Variants in NTM observed in about 807,000 individuals in gnomAD.
NTM encodes IgLON family member 2.
In NTM, 13 loss-of-function variants were observed where a neutral mutation model predicts 42.1. The ratio of observed to expected loss-of-function variants is 0.31; its 90% CI spans 0.20 to 0.49. NTM has a LOEUF of 0.49. NTM is among the 20% of genes least tolerant of loss of function. The pLI, the probability that NTM is intolerant of heterozygous loss-of-function variation, is 0.99. For missense variants in NTM, 373 were observed against 452.8 expected (o/e 0.82, Z 1.60); for synonymous variants, 187 against 179.2 (o/e 1.04, Z -0.35).
At chr11:131,488,525 T>C (rs1227902232) in intron 1 of NTM, among the ~76,000 whole-genome samples, 1 of 152,184 alleles carries the variant, frequency 6.6e-6, no homozygotes, top group East Asian at 1.9e-4. Context: ...ATTTTATTGG[T>C]CAGAGAAACT....
intron 1 of NTM, among the ~76,000 whole-genome samples, chr11:131,543,064 T>A (rs188245892): frequency 5.9e-4 from 90 of 152,324 alleles, no homozygotes; most frequent in African/African-American, 1.9e-3. Context: ...GAGCTGAGGA[T>A]GAACACGTGA....
At chr11:132,024,152 G>A (rs1168572529) in intron 2 of NTM, among the ~76,000 whole-genome samples, 1 of 151,836 alleles carries the variant, frequency 6.6e-6, no homozygotes, top group Non-Finnish European at 1.5e-5. Context: ...CCCACAGAGA[G>A]GGAAGGAGGA....
At chr11:131,911,197 C>T (rs1456720798) in intron 1 of NTM, 7 of 1,371,144 alleles carry the variant, frequency 5.1e-6, no homozygotes, top group Non-Finnish European at 6.6e-6. Context: ...GCGCGCTTCC[C>T]CCTCCTCGGC....
intron 1 of NTM, among the ~76,000 whole-genome samples, chr11:131,649,528 A>G (rs2066198490): frequency 1.3e-5 from 2 of 152,212 alleles, no homozygotes; most frequent in African/African-American, 4.8e-5. Context: ...ATGTACTGAA[A>G]TAAGCCATAA....
At chr11:132,122,331 C>T (rs893874415) in intron 2 of NTM, among the ~76,000 whole-genome samples, 1 of 152,122 alleles carries the variant, frequency 6.6e-6, no homozygotes, top group Non-Finnish European at 1.5e-5. Context: ...GTGGATTTTC[C>T]CCACTATGGT....
intron 1 of NTM, among the ~76,000 whole-genome samples, chr11:131,852,732 G>C (rs12223764): frequency 0.79 from 120,739 of 152,098 alleles, 48,353 homozygotes; most frequent in African/African-American, 0.88. Context: ...CCCACCCACC[G>C]ATGGATTTAT....
intron 1 of NTM, among the ~76,000 whole-genome samples, chr11:131,686,251 G>C (rs559607661): frequency 2.6e-5 from 4 of 152,322 alleles, no homozygotes; most frequent in Admixed American, 2.0e-4. Context: ...GAAAATTCAT[G>C]TATAACTTTT....
chr11:131,565,166 G>A (rs768740154), intron 1 of NTM, among the ~76,000 whole-genome samples: 12 of 152,154 alleles, frequency 7.9e-5, no homozygotes, highest in Non-Finnish European at 1.5e-4. Context: ...GTGAACACAG[G>A]GAGCAGCCCC....
intron 2 of NTM, among the ~76,000 whole-genome samples, chr11:131,955,242 G>C (rs754078139): frequency 2.0e-5 from 3 of 152,086 alleles, no homozygotes; most frequent in Non-Finnish European, 2.9e-5. Flanking sequence ...TTTTGTTTAG[G>C]TTTGCTGCTT....
At chr11:131,801,449 G>T (rs1209003749) in intron 1 of NTM, among the ~76,000 whole-genome samples, 1 of 152,146 alleles carries the variant, frequency 6.6e-6, no homozygotes, top group Non-Finnish European at 1.5e-5. Flanking sequence ...TCCTGAGGAA[G>T]CCTCAGTATC....
At chr11:132,194,763 G>A (rs2079897805) in intron 3 of NTM, among the ~76,000 whole-genome samples, 1 of 149,512 alleles carries the variant, frequency 6.7e-6, no homozygotes, top group South Asian at 2.1e-4. Flanking sequence ...AACGACCACA[G>A]TAGAGTTTCA....
At chr11:132,080,049 A>C (rs1233515158) in intron 2 of NTM, among the ~76,000 whole-genome samples, 1 of 152,240 alleles carries the variant, frequency 6.6e-6, no homozygotes, top group African/African-American at 2.4e-5. Flanking sequence ...TTTTGATGTT[A>C]AGTGTGGGTA....
chr11:132,335,313 G>C lies in NTM; in HGVS notation c.*167G>C. 2 of 731,648 alleles carry C rather than the reference G, an allele frequency of 2.7e-6. No individual in the cohort carries two copies. Among genetic ancestry groups the C allele is most frequent in the Middle Eastern group, 2.5e-4 (1 of 4,024 alleles). The allele number at this position is 731,648 out of a possible 1,614,324, so 45.3% of individuals were successfully genotyped here. ...GGGAGGGGAACAAAGAATACTTTGG[G>C]GGGAAAAAAGTTTTAAAAAAGAAAT... On this transcript the variant is annotated 3_prime_UTR_variant, in exon 9 of 9. Transcript: ENST00000683400.
intron 4 of NTM, among the ~76,000 whole-genome samples, chr11:132,251,777 G>A (rs548034709): frequency 5.5e-4 from 84 of 152,288 alleles, no homozygotes; most frequent in African/African-American, 1.7e-3. Flanking sequence ...TGAATGTGCC[G>A]TTTGGAATTT....
At chr11:131,704,323 G>A (rs1379850936) in intron 1 of NTM, among the ~76,000 whole-genome samples, 1 of 152,146 alleles carries the variant, frequency 6.6e-6, no homozygotes, top group East Asian at 1.9e-4. Context: ...TGCCCTCACA[G>A]ATCCAGGCAC....
intron 2 of NTM, among the ~76,000 whole-genome samples, chr11:132,066,377 C>T (rs937579391): frequency 1.3e-5 from 2 of 152,118 alleles, no homozygotes; most frequent in Admixed American, 1.3e-4. Context: ...TCATCTGGAC[C>T]CTTCTATAGG....
intron 1 of NTM, among the ~76,000 whole-genome samples, chr11:131,581,199 T>C (rs2058378340): frequency 6.6e-6 from 1 of 152,270 alleles, no homozygotes; most frequent in Admixed American, 6.5e-5. Flanking sequence ...CGGAGCCCAC[T>C]GCTCTTGCGG....
intron 4 of NTM, among the ~76,000 whole-genome samples, chr11:132,229,176 A>G (rs998455201): frequency 6.6e-6 from 1 of 152,156 alleles, no homozygotes; most frequent in Non-Finnish European, 1.5e-5. Flanking sequence ...GCTATGTTCC[A>G]GGCACTCTTC....
intron 1 of NTM, among the ~76,000 whole-genome samples, chr11:131,396,904 G>C (rs900391815): frequency 6.6e-6 from 1 of 152,002 alleles, no homozygotes; most frequent in Non-Finnish European, 1.5e-5. Flanking sequence ...ACTCTGGGAA[G>C]CTCACGTCAC....
Sources: allele counts gnomAD v4.1 joint callset (sites outside exome capture counted in the v4.1 genomes callset), GRCh38; gene constraint gnomAD v4.1.1; transcripts MANE v1.5; gene names NCBI Gene and HGNC (gene_info 2026-07-23, HGNC 2026-07-21).